JMJD1C: variants seen among roughly 807,000 people sequenced by gnomAD.
The protein encoded by JMJD1C is jumonji domain containing 1C.
In JMJD1C, 31 loss-of-function variants were observed where a neutral mutation model predicts 245.3. The observed-to-expected ratio is 0.13, with a 90% CI of 0.09 to 0.17. The LOEUF (loss-of-function observed/expected upper bound fraction) is 0.17, where lower values mean the gene tolerates loss of function less well. JMJD1C is among the 10% of genes least tolerant of loss of function. The pLI is 1.00. For synonymous variants in JMJD1C, 1,057 were observed against 1,017.4 expected, an observed-to-expected ratio of 1.04 and a Z score of -0.74; for missense variants, 2,691 against 3,000.2, an observed-to-expected ratio of 0.90 and a Z score of 2.41.
intron 3 of JMJD1C, among the ~76,000 whole-genome samples, chr10:63,221,397 C>G (rs1172810803): frequency 6.6e-6 from 1 of 152,098 alleles, no homozygotes; most frequent in East Asian, 1.9e-4. Context: ...TGTACTTAAA[C>G]ATAGTGAAAG....
At chr10:63,423,764 T>C (rs1419156290) in intron 1 of JMJD1C, among the ~76,000 whole-genome samples, 3 of 152,344 alleles carry the variant, frequency 2.0e-5, no homozygotes, top group South Asian at 2.1e-4. Context: ...CCATCATCAA[T>C]GTATGAAGGT....
chr10:63,208,916 T>C, intron 9 of JMJD1C, 115 bp from the exon 10 acceptor site: 1 of 1,016,610 alleles, frequency 9.8e-7, no homozygotes, highest in Non-Finnish European at 1.4e-6. Context: ...GCATGTACTC[T>C]AATACTATAA....
chr10:63,225,902 G>A (rs570982196), intron 3 of JMJD1C, among the ~76,000 whole-genome samples: 2 of 152,212 alleles, frequency 1.3e-5, no homozygotes, highest in African/African-American at 4.8e-5. Flanking sequence ...TGTTCAGAGA[G>A]GTTCATGGTT....
At position 63,392,867 on chromosome 10, in the gene JMJD1C, AACACACACAC is replaced by A. The variant is rs34778084; in HGVS notation, c.169-12395_169-12386del. 7.3e-3 allele frequency among the ~76,000 whole-genome samples: 816 copies of A among 112,274 alleles called. 8 individuals carry two copies. Among genetic ancestry groups the A allele is most frequent in the East Asian group, 0.022 (87 of 3,910 alleles). The allele number at this position is 112,274 out of a possible 152,430, so 73.7% of individuals were successfully genotyped here. A position where few individuals can be genotyped will look rare whatever the true frequency, so the allele number is the denominator to read the frequency against. Reference sequence around the variant, plus strand: ...AAAAAGGTGGGCAAAAAAGTACATAAACACACACACACACACACACACACACACACACACA... The same window carrying A: ...AAAAAGGTGGGCAAAAAAGTACATAAACACACACACACACACACACACACA... On this transcript the variant is annotated intron_variant, in intron 1 of 25. Transcript: ENST00000399262.
intron 2 of JMJD1C, among the ~76,000 whole-genome samples, chr10:63,365,526 T>C (rs1945761206): frequency 6.6e-6 from 1 of 152,084 alleles, no homozygotes; most frequent in South Asian, 2.1e-4. Context: ...ATCTCAGCAT[T>C]TTGGGAGGCT....
intron 1 of JMJD1C, among the ~76,000 whole-genome samples, chr10:63,481,567 TAC>T (rs1446952029): frequency 6.6e-6 from 1 of 152,202 alleles, no homozygotes; most frequent in Non-Finnish European, 1.5e-5. Flanking sequence ...CTGAATAAAC[TAC>T]AGTCAATTAT....
intron 2 of JMJD1C, among the ~76,000 whole-genome samples, chr10:63,266,671 CAG>C (rs1339686639): frequency 6.6e-6 from 1 of 152,058 alleles, no homozygotes; most frequent in African/African-American, 2.4e-5. Context: ...TCTTTTCAAA[CAG>C]TACCATATCA....
intron 2 of JMJD1C, among the ~76,000 whole-genome samples, chr10:63,364,133 G>A (rs146427580): frequency 3.7e-4 from 56 of 152,238 alleles, no homozygotes; most frequent in African/African-American, 9.9e-4. Flanking sequence ...CCAAAGTGCC[G>A]GGATTACAGG....
chr10:63,222,572 G>C (rs779259688), intron 3 of JMJD1C: 61 of 1,592,214 alleles, frequency 3.8e-5, no homozygotes, highest in Non-Finnish European at 5.1e-5. Context: ...TGAACTGTCA[G>C]AACAAACAAA....
chr10:63,514,593 T>A (rs1399944304), intron 1 of JMJD1C, among the ~76,000 whole-genome samples: 2 of 151,770 alleles, frequency 1.3e-5, no homozygotes, highest in African/African-American at 4.8e-5. Flanking sequence ...CTCACTGACA[T>A]AATGATGGCA....
chr10:63,517,569 G>A (rs1050839559), intron 1 of JMJD1C, among the ~76,000 whole-genome samples: 2 of 151,992 alleles, frequency 1.3e-5, no homozygotes, highest in East Asian at 1.9e-4. Context: ...TGAAGGATGC[G>A]CTTTATATAG....
intron 2 of JMJD1C, among the ~76,000 whole-genome samples, chr10:63,337,588 G>T (rs986859798): frequency 9.9e-6 from 1 of 101,502 alleles, no homozygotes; most frequent in Non-Finnish European, 1.9e-5. Flanking sequence ...GAAAAGAAAA[G>T]AAAAGAAAAG....
chr10:63,297,238 C>A (rs1280851262), intron 2 of JMJD1C, among the ~76,000 whole-genome samples: 2 of 152,192 alleles, frequency 1.3e-5, no homozygotes, highest in Non-Finnish European at 2.9e-5. Flanking sequence ...AGTCTCCAAC[C>A]CAGAGAACTT....
intron 1 of JMJD1C, among the ~76,000 whole-genome samples, chr10:63,413,146 A>G (rs1323898857): frequency 2.0e-5 from 3 of 152,178 alleles, no homozygotes; most frequent in Non-Finnish European, 4.4e-5. Flanking sequence ...GATATACAAC[A>G]CAATTTATAA....
intron 2 of JMJD1C, among the ~76,000 whole-genome samples, chr10:63,279,969 G>T (rs1318327061): frequency 1.3e-5 from 2 of 151,672 alleles, no homozygotes; most frequent in Non-Finnish European, 2.9e-5. Context: ...GGCCAACATG[G>T]TGAAACCCTG....
chr10:63,521,377 T>C (rs377532429), intron 1 of JMJD1C: 156,140 of 156,146 alleles, frequency 1, 78,067 homozygotes, highest in Middle Eastern at 1. Context: ...GACCGACCTC[T>C]GCGCAGCCCA....
chr10:63,424,497 C>CTTTT (rs59823871), intron 1 of JMJD1C, among the ~76,000 whole-genome samples: 1,176 of 103,370 alleles, frequency 0.011, 38 homozygotes, highest in African/African-American at 0.032. Context: ...ATTATTATTT[C>CTTTT]TTTTTTTTTT....
At chr10:63,315,058 A>G (rs750879833) in intron 2 of JMJD1C, among the ~76,000 whole-genome samples, 9 of 151,186 alleles carry the variant, frequency 6.0e-5, no homozygotes, top group Non-Finnish European at 1.3e-4. Flanking sequence ...GATTCAAGAG[A>G]TTGCCCTGCC....
At chr10:63,264,545 A>AG in intron 3 of JMJD1C, 106 bp downstream of exon 3, 1 of 593,542 alleles carries the variant, frequency 1.7e-6, no homozygotes, top group Non-Finnish European at 2.9e-6. Flanking sequence ...TCACACAACT[A>AG]GAAGTTAGAT....
Sources: allele counts gnomAD v4.1 joint callset (sites outside exome capture counted in the v4.1 genomes callset), GRCh38; gene constraint gnomAD v4.1.1; transcripts MANE v1.5; gene names NCBI Gene and HGNC (gene_info 2026-07-23, HGNC 2026-07-21).